Variants in CRMP1 observed in about 807,000 individuals in gnomAD.
CRMP1 encodes dihydropyrimidinase-related protein 1.
Under a neutral mutation model 68.3 loss-of-function variants are expected in CRMP1, and 19 were observed. That is an observed-to-expected ratio of 0.28 (90% CI 0.19 to 0.41). CRMP1 has a LOEUF of 0.41. Ranked by LOEUF, CRMP1 falls within the 10% of genes least tolerant of loss-of-function variation. CRMP1 has a pLI of 1.00. For missense variants in CRMP1, 791 were observed against 967.4 expected, an observed-to-expected ratio of 0.82 and a Z score of 2.42; for synonymous variants, 439 against 399.6, an observed-to-expected ratio of 1.10 and a Z score of -1.18.
chr4:5,847,361 AG>A (rs1346282238), intron 6 of CRMP1, among the ~76,000 whole-genome samples: 1 of 152,154 alleles, frequency 6.6e-6, no homozygotes, highest in African/African-American at 2.4e-5. Flanking sequence ...AACCATGGGA[AG>A]GGGTGATTGT....
intron 13 of CRMP1, chr4:5,824,428 A>G (rs1332720830): frequency 1.1e-5 from 11 of 985,274 alleles, no homozygotes; most frequent in Middle Eastern, 1.0e-3. Context: ...TGAATCAGAC[A>G]CTTCCTGAAT....
In CRMP1 at chr4:5,892,266, T is replaced by C. The variant is rs954017439; in HGVS notation, c.381+323A>G. Among the ~76,000 whole-genome samples the C allele has an allele frequency of 2.0e-5, 3 of 152,250 alleles. No homozygotes were observed. Among genetic ancestry groups the C allele is most frequent in the South Asian group, 2.1e-4 (1 of 4,834 alleles). On this transcript the variant is annotated intron_variant, in intron 1 of 13. Transcript: ENST00000324989. The surrounding 1 kb of genome is among the most constrained non-coding windows in gnomAD (Gnocchi z 8.6). The stretch of plus-strand genomic sequence containing the variant: ...GGGTTAGATTCATCCCAGAGGTTCC[T>C]TCGCGTTTAAGCGTCCATGCGGTAG...
chr4:5,856,491 CACCATCATTATCAACCCATCACCATG>C (rs1345747515), intron 3 of CRMP1, among the ~76,000 whole-genome samples, 184 bp from the exon 4 acceptor site: 1 of 151,756 alleles, frequency 6.6e-6, no homozygotes, highest in Non-Finnish European at 1.5e-5. Context: ...CCACAATCAT[CACCATCATTATCAACCCATCACCATG>C]ACCATCATTA....
At position 5,861,783 on chromosome 4, in the gene CRMP1, C is replaced by A. The variant is rs7678157; in HGVS notation, c.471-573G>T. ...GGCTCAGCCAGAACCAGGAAAGGAA[C>A]CCTGCAGCATCCAAGGTTAAGGTCT... On this transcript the variant is annotated intron_variant, in intron 2 of 13. Coordinates refer to ENST00000324989, the MANE Select transcript of CRMP1 (RefSeq NM_001014809.3). This position sits in a 1 kb window ranked among gnomAD's most constrained non-coding sequence, Gnocchi z 6.0. 0.028 allele frequency among the ~76,000 whole-genome samples: 4,336 copies of A among 152,200 alleles called. 86 individuals carry two copies. The highest frequency in any genetic ancestry group is 0.086 in the Middle Eastern group (25 of 292).
intron 6 of CRMP1, among the ~76,000 whole-genome samples, chr4:5,848,104 A>G (rs1712355723): frequency 6.6e-6 from 1 of 150,874 alleles, no homozygotes; most frequent in African/African-American, 2.4e-5. Context: ...TTCATTTCTT[A>G]TGAGACTTGC....
chr4:5,866,746 A>T lies in CRMP1; in HGVS notation c.392T>A (p.Leu131His). Residue 131 changes from leucine (L) to histidine (H), a missense_variant, in exon 2 of 14, where the codon CTC (leucine) becomes CAC (histidine). Transcript: ENST00000324989. This position sits in a 1 kb window ranked among gnomAD's most constrained non-coding sequence, Gnocchi z 5.9. ...LGRDNGQSDRLLIKGGRIIND... is the reference protein window; with the variant it reads ...LGRDNGQSDRHLIKGGRIIND... Reference sequence around the variant, plus strand: ...GATGATCCGTCCACCTTTGATGAGGAGTCGGTCACTCTGCAAAGCAAGGCA... The same window carrying T: ...GATGATCCGTCCACCTTTGATGAGGTGTCGGTCACTCTGCAAAGCAAGGCA... 2 of 1,611,188 alleles carry T rather than the reference A, an allele frequency of 1.2e-6. No homozygotes were observed. The highest frequency in any genetic ancestry group is 1.7e-6 in the Non-Finnish European group (2 of 1,178,798).
intron 5 of CRMP1, among the ~76,000 whole-genome samples, chr4:5,849,883 A>G (rs570981788): frequency 6.6e-6 from 1 of 152,348 alleles, no homozygotes; most frequent in South Asian, 2.1e-4. Flanking sequence ...CTAAGCCTGT[A>G]CCATAGCCAC....
chr4:5,822,366 A>C (rs2152428532), intron 13 of CRMP1, among the ~76,000 whole-genome samples: 1 of 152,314 alleles, frequency 6.6e-6, no homozygotes, highest in South Asian at 2.1e-4. Context: ...ACACTGTCCC[A>C]CACTCCAAAG....
chr4:5,879,868 G>T lies in CRMP1; in HGVS notation c.381+12721C>A, dbSNP rs528545033. Among the ~76,000 whole-genome samples, 1 of 150,288 alleles carries T rather than the reference G, an allele frequency of 6.7e-6. No homozygotes were observed. Among genetic ancestry groups the T allele is most frequent in the African/African-American group, 2.5e-5 (1 of 40,790 alleles). On this transcript the variant is annotated intron_variant, in intron 1 of 13. Coordinates refer to ENST00000324989, the MANE Select transcript of CRMP1 (RefSeq NM_001014809.3). The surrounding 1 kb of genome is among the most constrained non-coding windows in gnomAD (Gnocchi z 4.2). ...AATAAAATATAGCAAAAAAAAAAAT[G>T]AGACGAAAGGAAAGGAAAATGAAAG...
intron 1 of CRMP1, among the ~76,000 whole-genome samples, chr4:5,875,056 C>A (rs933168331): frequency 6.6e-6 from 1 of 152,230 alleles, no homozygotes; most frequent in African/African-American, 2.4e-5. Context: ...CCCATCCAGC[C>A]CCCACTGGGA....
chr4:5,824,163 A>T, intron 13 of CRMP1: 1 of 281,498 alleles, frequency 3.6e-6, no homozygotes, highest in Non-Finnish European at 5.4e-6. Flanking sequence ...TGCAGTGTTT[A>T]ATTGCATAAC....
Position 5,888,271 on chromosome 4 carries a change from C to T in CRMP1, c.381+4318G>A. On this transcript the variant is annotated intron_variant, in intron 1 of 13. Transcript: ENST00000324989. This position sits in a 1 kb window ranked among gnomAD's most constrained non-coding sequence, Gnocchi z 6.4. ...CTTCTTGCCCTGGTACGACATGGCC[C>T]CCTCTGGCGCCCTCGGCCCGGCCGC... is the stretch of plus-strand genomic sequence containing the variant. 1 of 1,273,564 alleles carries T rather than the reference C, an allele frequency of 7.9e-7. No individual in the cohort carries two copies. Among genetic ancestry groups the T allele is most frequent in the Non-Finnish European group, 1.0e-6 (1 of 1,002,872 alleles). 78.9% of individuals were successfully genotyped at this position (1,273,564 alleles called of 1,614,324 possible).
rs111930292 is a variant in CRMP1 at position 5,879,565 on chromosome 4, T to A, written c.382-12809A>T. Among the ~76,000 whole-genome samples the A allele has an allele frequency of 6.6e-6, 1 of 152,214 alleles. No homozygotes were observed. Among genetic ancestry groups the A allele is most frequent in the Non-Finnish European group, 1.5e-5 (1 of 68,038 alleles). On this transcript the variant is annotated intron_variant, in intron 1 of 13. Transcript: ENST00000324989. This position sits in a 1 kb window ranked among gnomAD's most constrained non-coding sequence, Gnocchi z 4.2. ...TGGCTTCAGTTTCCTCATCTATAAA[T>A]GGAACCCATCAAAATACCTACCTCA...
chr4:5,841,004 C>T lies in CRMP1; in HGVS notation c.1153+304G>A, dbSNP rs968217346. 2.6e-5 allele frequency among the ~76,000 whole-genome samples: 4 copies of T among 152,126 alleles called. No individual in the cohort carries two copies. Among genetic ancestry groups the T allele is most frequent in the Admixed American group, 6.5e-5 (1 of 15,282 alleles). On this transcript the variant is annotated intron_variant, in intron 8 of 13. Coordinates refer to ENST00000324989, the MANE Select transcript of CRMP1 (RefSeq NM_001014809.3). This position sits in a 1 kb window ranked among gnomAD's most constrained non-coding sequence, Gnocchi z 6.9. ...TGAATTTTGAAGAGAGTACAGAAAA[C>T]ATCATGCAAAATATTAATGATTTTT...
intron 11 of CRMP1, among the ~76,000 whole-genome samples, chr4:5,833,907 G>A (rs568052087): frequency 5.3e-5 from 8 of 152,294 alleles, no homozygotes; most frequent in Admixed American, 1.3e-4. Context: ...TTAGCCGGGC[G>A]TGGTGGCAGG....
At position 5,891,133 on chromosome 4, in the gene CRMP1, C is replaced by A. The variant is rs996960593; in HGVS notation, c.381+1456G>T. 9.3e-5 allele frequency among the ~76,000 whole-genome samples: 14 copies of A among 151,320 alleles called. No individual in the cohort carries two copies. The highest frequency in any genetic ancestry group is 3.1e-4 in the African/African-American group (13 of 41,326). On this transcript the variant is annotated intron_variant, in intron 1 of 13. Transcript: ENST00000324989. The surrounding 1 kb of genome is among the most constrained non-coding windows in gnomAD (Gnocchi z 5.2). ...GTGGGGGAAGAGGAAGCTGGACTCT[C>A]GCACCATCTCCCTTTCTGATCACCC...
Position 5,839,876 on chromosome 4 carries a change from G to A in CRMP1, c.1154-198C>T, listed in dbSNP as rs138340243. Reference sequence around the variant, plus strand: ...GGCCCAGCTCCACCACATTGTCGGCGCCCCGCCACGCGCTCCATGGGGCGT... The same window carrying A: ...GGCCCAGCTCCACCACATTGTCGGCACCCCGCCACGCGCTCCATGGGGCGT... On this transcript the variant is annotated intron_variant, in intron 8 of 13. Coordinates refer to ENST00000324989, the MANE Select transcript of CRMP1 (RefSeq NM_001014809.3). 2.3e-3 allele frequency among the ~76,000 whole-genome samples: 352 copies of A among 152,334 alleles called. 1 individual carries two copies. The highest frequency in any genetic ancestry group is 8.2e-3 in the African/African-American group (342 of 41,578).
rs1216988547 is a variant in CRMP1 at position 5,891,647 on chromosome 4, G to A, written c.381+942C>T. On this transcript the variant is annotated intron_variant, in intron 1 of 13. Coordinates refer to ENST00000324989, the MANE Select transcript of CRMP1 (RefSeq NM_001014809.3). The surrounding 1 kb of genome is among the most constrained non-coding windows in gnomAD (Gnocchi z 5.2). ...GCACCTAGCAGTTCTCCGGCATCCA[G>A]GTCTGGACCAATTCGAAAGCTCCCC... Among the ~76,000 whole-genome samples the A allele has an allele frequency of 6.6e-6, 1 of 152,164 alleles. No homozygotes were observed. Among genetic ancestry groups the A allele is most frequent in the African/African-American group, 2.4e-5 (1 of 41,432 alleles).
At position 5,836,053 on chromosome 4, in the gene CRMP1, G is replaced by A. The variant is rs746043227; in HGVS notation, c.1485C>T (p.Val495=). The change falls in exon 11 of 14, where the codon GTC becomes GTT. Residue 495 remains valine (V), a synonymous_variant. Transcript: ENST00000324989. ...TGGCTGCATTGGTGCTGGTGACAGC[G>A]ACAAACTGGTTCTCATCCATTTTGC... ...ATGKMDENQF[V]AVTSTNAAKI... 2.8e-5 allele frequency: 44 copies of A among 1,559,914 alleles called. No individual in the cohort carries two copies. Among genetic ancestry groups the A allele is most frequent in the South Asian group, 1.6e-4 (13 of 80,890 alleles).
Sources: gnomAD v4.1 joint callset for allele counts (sites outside exome capture counted in the v4.1 genomes callset) on GRCh38, gnomAD v4.1.1 for gene constraint, Gnocchi (gnomAD v3.1) non-coding constraint, MANE v1.5 for transcripts, NCBI Gene and HGNC (gene_info 2026-07-23, HGNC 2026-07-21) for gene names.